Variants in PRC1 observed in about 807,000 individuals in gnomAD.
PRC1 encodes anaphase spindle elongation 1 homolog.
A neutral mutation model predicts 91.2 loss-of-function variants in PRC1; 54 were observed. That is an observed-to-expected ratio of 0.59 (90% CI 0.48 to 0.74). PRC1 has a LOEUF of 0.74. Among genes scored for constraint, PRC1 ranks in the 30% least tolerant of loss-of-function variants. The pLI is 0.00. For missense variants in PRC1, 727 were observed against 746.2 expected, an observed-to-expected ratio of 0.97 and a Z score of 0.30; for synonymous variants, 275 against 263.6, an observed-to-expected ratio of 1.04 and a Z score of -0.42.
rs768808438 is a variant in PRC1 at position 90,970,427 on chromosome 15, G to A, written c.1549C>T (p.Arg517Ter). The A allele has an allele frequency of 3.1e-6, 5 of 1,611,084 alleles. No homozygotes were observed. Among genetic ancestry groups the A allele is most frequent in the East Asian group, 2.2e-5 (1 of 44,890 alleles). ...GGTVYHSPVS[R>*]LPPSGSKPVA... is the part of the protein sequence containing the mutation. Reference sequence around the variant, plus strand: ...ACCTTGCTGCCAGAAGGAGGAAGTCGAGACACGGGGGAGTGGTAGACTGTC... The same window carrying A: ...ACCTTGCTGCCAGAAGGAGGAAGTCAAGACACGGGGGAGTGGTAGACTGTC... The change falls in exon 12 of 15, where the codon CGA becomes TGA. Residue 517 changes from arginine to a stop codon, truncating the protein, a stop_gained. Coordinates refer to ENST00000394249, the MANE Select transcript of PRC1 (RefSeq NM_003981.4). LOFTEE classifies it high-confidence loss of function.
At position 90,986,186 on chromosome 15, in the gene PRC1, T is replaced by C. The variant is rs1276267190; in HGVS notation, c.12-1361A>G. Among the ~76,000 whole-genome samples the C allele has an allele frequency of 2.0e-5, 3 of 152,164 alleles. 1 individual carries two copies. The highest frequency in any genetic ancestry group is 6.3e-3 in the Middle Eastern group (2 of 316). ...GCAGTTCTACCTCTACATACATACC[T>C]AGCAGAAATGAACACATACGTTCAC... is the stretch of plus-strand genomic sequence containing the variant. On this transcript the variant is annotated intron_variant, in intron 1 of 14. Coordinates refer to ENST00000394249, the MANE Select transcript of PRC1 (RefSeq NM_003981.4).
chr15:90,968,114 C>G, intron 14 of PRC1: 1 of 985,398 alleles, frequency 1.0e-6, no homozygotes, highest in Non-Finnish European at 1.2e-6. Flanking sequence ...CAACCCAAAC[C>G]AGACGAACCT....
chr15:90,968,934 T>G, intron 14 of PRC1, 145 bp downstream of exon 14: 3 of 1,476,588 alleles, frequency 2.0e-6, no homozygotes, highest in Non-Finnish European at 2.7e-6. Flanking sequence ...ATCAGATGTG[T>G]TTTTTTGAGT....
At chr15:90,968,984 G>T in intron 14 of PRC1, 95 bp downstream of exon 14, 1 of 1,595,630 alleles carries the variant, frequency 6.3e-7, no homozygotes, top group Non-Finnish European at 8.6e-7. Context: ...ACACTGCTGA[G>T]ATTATTAGTT....
In PRC1 at chr15:90,974,883, C is replaced by T. The variant is rs1054680489; in HGVS notation, c.1204-152G>A. On this transcript the variant is annotated intron_variant, in intron 9 of 14. Transcript: ENST00000394249. The surrounding 1 kb of genome is among the most constrained non-coding windows in gnomAD (Gnocchi z 4.6). ...CCCACATGGGTACAGGTCAGAGTGA[C>T]CAGAAATCAAAGCCCGGAGACATTT... 1.2e-5 allele frequency: 11 copies of T among 885,336 alleles called. No individual in the cohort carries two copies. The highest frequency in any genetic ancestry group is 1.9e-5 in the Non-Finnish European group (11 of 567,316). The allele number at this position is 885,336 out of a possible 1,614,324, so 54.8% of individuals were successfully genotyped here.
chr15:90,967,820 AT>A, intron 14 of PRC1: 1 of 983,254 alleles, frequency 1.0e-6, no homozygotes, highest in South Asian at 4.7e-5. Context: ...TATCCCTGTC[AT>A]TAAGCGAGGC....
intron 5 of PRC1, 74 bp downstream of exon 5, chr15:90,981,425 A>G: frequency 6.6e-7 from 1 of 1,510,616 alleles, no homozygotes; most frequent in East Asian, 2.3e-5. Flanking sequence ...TTAAGACTGA[A>G]GAAACAGCTG....
chr15:90,981,152 G>A, intron 5 of PRC1, 119 bp from the exon 6 acceptor site: 1 of 1,360,570 alleles, frequency 7.3e-7, no homozygotes, highest in Non-Finnish European at 1.0e-6. Flanking sequence ...AGAGTTCAAA[G>A]TAGCATGTTT....
At chr15:90,967,282 A>G in intron 14 of PRC1, 80 bp from the exon 15 acceptor site, 1 of 1,205,916 alleles carries the variant, frequency 8.3e-7, no homozygotes, top group Non-Finnish European at 1.2e-6. Context: ...GTTAAGTGTC[A>G]GCAAAAGGTC....
At chr15:90,986,259 G>C (rs982035037) in intron 1 of PRC1, among the ~76,000 whole-genome samples, 1 of 152,186 alleles carries the variant, frequency 6.6e-6, no homozygotes, top group Non-Finnish European at 1.5e-5. Context: ...CATAATAGCA[G>C]GGAAACAGAA....
intron 1 of PRC1, chr15:90,986,056 G>C (rs148589816): frequency 6.6e-6 from 1 of 152,320 alleles, no homozygotes; most frequent in African/African-American, 2.4e-5. Flanking sequence ...TTAAGTGTTG[G>C]TGAGTATATA....
rs1310202848 is a variant in PRC1 at position 90,966,593 on chromosome 15, G to A, written c.*538C>T. The A allele has an allele frequency of 4.4e-6, 2 of 456,164 alleles. No homozygotes were observed. Among genetic ancestry groups the A allele is most frequent in the South Asian group, 3.1e-5 (2 of 64,570 alleles). 28.3% of individuals were successfully genotyped at this position (456,164 alleles called of 1,614,324 possible). ...CAGCCTTCCTGTCACCTCTTTGGCA[G>A]TAGGGCAGGCCATCTCAACTTCGGA... On this transcript the variant is annotated 3_prime_UTR_variant, in exon 15 of 15. Transcript: ENST00000394249.
rs779892983 is a variant in PRC1, at chr15:90,981,682, G to A, written c.502-13C>T. 2 of 1,611,086 alleles carry A rather than the reference G, an allele frequency of 1.2e-6. No individual in the cohort carries two copies. Among genetic ancestry groups the A allele is most frequent in the South Asian group, 2.2e-5 (2 of 91,014 alleles). ...CACGCCTAGAAGCCTTTAAAACAAA[G>A]CAATTACAAGATACCTAGAGGAAAA... On this transcript the variant is annotated splice_polypyrimidine_tract_variant and intron_variant, in intron 4 of 14. Coordinates refer to ENST00000394249, the MANE Select transcript of PRC1 (RefSeq NM_003981.4).
intron 12 of PRC1, among the ~76,000 whole-genome samples, 162 bp from the exon 13 acceptor site, chr15:90,969,785 T>C (rs58411673): frequency 0.15 from 17,053 of 114,806 alleles, 1,986 homozygotes; most frequent in East Asian, 0.48. Flanking sequence ...TATATATATA[T>C]ATATATATAT....
intron 1 of PRC1, among the ~76,000 whole-genome samples, chr15:90,989,494 C>T (rs1383787175): frequency 6.6e-6 from 1 of 150,790 alleles, no homozygotes; most frequent in Non-Finnish European, 1.5e-5. Flanking sequence ...AATCCTCCCA[C>T]CTCGGCCTCC....
intron 11 of PRC1, among the ~76,000 whole-genome samples, chr15:90,972,235 T>C (rs1365981500): frequency 1.4e-5 from 2 of 140,712 alleles, no homozygotes; most frequent in African/African-American, 5.3e-5. Context: ...ACCCCAAAAT[T>C]AGCCGGGTAT....
rs2037491717 is a variant in PRC1, at chr15:90,966,403, G to T, written c.*728C>A. ...CCCAATGTGGCTGGCAACTGCGGGG[G>T]TAGAAGAACTCAGGCAAAGTAGGCA... On this transcript the variant is annotated 3_prime_UTR_variant, in exon 15 of 15. Coordinates refer to ENST00000394249, the MANE Select transcript of PRC1 (RefSeq NM_003981.4). 2.9e-6 allele frequency: 1 copy of T among 344,910 alleles called. No homozygotes were observed. Among genetic ancestry groups the T allele is most frequent in the Non-Finnish European group, 5.9e-6 (1 of 170,594 alleles). 21.4% of individuals were successfully genotyped at this position (344,910 alleles called of 1,614,324 possible).
intron 11 of PRC1, among the ~76,000 whole-genome samples, chr15:90,973,686 A>G (rs1387644697): frequency 3.3e-5 from 5 of 152,134 alleles, no homozygotes; most frequent in Non-Finnish European, 7.4e-5. Flanking sequence ...GCTGGCGGCA[A>G]TGCTGCTCTG....
In PRC1 at chr15:90,976,754, T is replaced by C; in HGVS notation, c.1125A>G (p.Pro375=). 3.1e-6 allele frequency: 5 copies of C among 1,613,164 alleles called. No individual in the cohort carries two copies. The highest frequency in any genetic ancestry group is 4.2e-6 in the Non-Finnish European group (5 of 1,179,204). Reference sequence around the variant, plus strand: ...TTCCTCCTCGGTTTGTAAATCGATTTGGATCTGAAGCTTTTCTCTGTGAAA... The same window carrying C: ...TTCCTCCTCGGTTTGTAAATCGATTCGGATCTGAAGCTTTTCTCTGTGAAA... The part of the protein sequence containing the change: ...FLEFERKASD[P]NRFTNRGGNL... The change falls in exon 9 of 15, where the codon CCA becomes CCG. Residue 375 remains proline, a synonymous_variant. Transcript: ENST00000394249.
Sources: allele counts gnomAD v4.1 joint callset (sites outside exome capture counted in the v4.1 genomes callset), GRCh38; gene constraint gnomAD v4.1.1; non-coding constraint Gnocchi (gnomAD v3.1); transcripts MANE v1.5; gene names NCBI Gene and HGNC (gene_info 2026-07-23, HGNC 2026-07-21).